REV3L: variants seen among roughly 807,000 people sequenced by gnomAD.
REV3L encodes DNA polymerase zeta catalytic subunit.
A neutral mutation model predicts 299.4 loss-of-function variants in REV3L; 69 were observed. That is an observed-to-expected ratio of 0.23 (90% CI 0.19 to 0.28). The LOEUF is 0.28. Ranked by LOEUF, REV3L falls within the 10% of genes least tolerant of loss-of-function variation. The probability of loss-of-function intolerance (pLI) is 1.00; values close to 1 mark genes in which losing one functional copy is unlikely to be tolerated. For missense variants in REV3L, 3,128 were observed against 3,693.8 expected, an observed-to-expected ratio of 0.85 and a Z score of 3.97; for synonymous variants, 1,238 against 1,271.4, an observed-to-expected ratio of 0.97 and a Z score of 0.56.
rs2114660039 is a variant in REV3L, at chr6:111,299,092, A to G, written c.*924T>C. On this transcript the variant is annotated 3_prime_UTR_variant, in exon 32 of 32. Transcript: ENST00000368802. ...TTCCATTATTAACTTTTAAAACAAA[A>G]TGATTTCCAGTTTAAAAAACAATGC... 6.6e-6 allele frequency: 1 copy of G among 152,600 alleles called. No individual in the cohort carries two copies. The highest frequency in any genetic ancestry group is 2.1e-4 in the South Asian group (1 of 4,818). The allele number at this position is 152,600 out of a possible 1,614,324, so 9.5% of individuals were successfully genotyped here.
intron 3 of REV3L, among the ~76,000 whole-genome samples, chr6:111,407,096 C>A (rs903212366): frequency 6.6e-6 from 1 of 152,048 alleles, no homozygotes; most frequent in African/African-American, 2.4e-5. Context: ...GGCAACAGAG[C>A]AAGATCCTGT....
intron 18 of REV3L, among the ~76,000 whole-genome samples, chr6:111,355,526 T>C (rs886498506): frequency 1.3e-5 from 2 of 152,190 alleles, no homozygotes; most frequent in East Asian, 3.8e-4. Flanking sequence ...TTAAGCATTT[T>C]TCTTTTTATG....
chr6:111,439,100 A>G (rs1787936182), intron 1 of REV3L, among the ~76,000 whole-genome samples: 1 of 152,224 alleles, frequency 6.6e-6, no homozygotes, highest in African/African-American at 2.4e-5. Context: ...TGATTGTAAT[A>G]CATTCTTAAA....
At chr6:111,413,889 G>A (rs1784503957) in intron 2 of REV3L, among the ~76,000 whole-genome samples, 1 of 151,818 alleles carries the variant, frequency 6.6e-6, no homozygotes, top group African/African-American at 2.4e-5. Flanking sequence ...TTGAAATGAG[G>A]ATATATATAG....
rs1779989236 is a variant in REV3L, at chr6:111,373,365, T to C, written c.4990A>G (p.Ser1664Gly). ...QTGFCSFYSG[S>G]QFVPADQNLP... Reference sequence around the variant, plus strand: ...TTCTGATCAGCTGGGACAAACTGACTTCCAGAATAAAAGCTACAAAATCCA... The same window carrying C: ...TTCTGATCAGCTGGGACAAACTGACCTCCAGAATAAAAGCTACAAAATCCA... Residue 1664 changes from serine (S) to glycine (G), a missense_variant, in exon 13 of 32, where the codon AGT becomes GGT. Around this residue, in one of 9 missense-constraint regions of REV3L, gnomAD observed 2,409 missense variants for 2,611.8 expected, o/e 0.92. Coordinates refer to ENST00000368802, the MANE Select transcript of REV3L (RefSeq NM_001372078.1). 1 of 1,613,508 alleles carries C rather than the reference T, an allele frequency of 6.2e-7. No individual in the cohort carries two copies. The highest frequency in any genetic ancestry group is 1.7e-5 in the Admixed American group (1 of 59,944).
chr6:111,427,795 A>G (rs1786362949), intron 1 of REV3L, among the ~76,000 whole-genome samples: 1 of 152,216 alleles, frequency 6.6e-6, no homozygotes, highest in South Asian at 2.1e-4. Flanking sequence ...TAAGGGAGAA[A>G]TAATCCCTGA....
At chr6:111,310,473 G>A (rs1052411409) in intron 29 of REV3L, 39 of 159,042 alleles carry the variant, frequency 2.5e-4, no homozygotes, top group East Asian at 1.9e-3. Context: ...GCAACATAGC[G>A]AGACCCCCAT....
chr6:111,466,967 T>C (rs780348156), intron 1 of REV3L, among the ~76,000 whole-genome samples: 9 of 152,226 alleles, frequency 5.9e-5, no homozygotes, highest in Non-Finnish European at 1.0e-4. Context: ...CAGTGAAACA[T>C]GTATAAAGAT....
At chr6:111,451,015 CATA>C (rs1222878375) in intron 1 of REV3L, among the ~76,000 whole-genome samples, 1 of 152,166 alleles carries the variant, frequency 6.6e-6, no homozygotes, top group Non-Finnish European at 1.5e-5. Flanking sequence ...GAGACAGAAT[CATA>C]ATGAGTTTCC....
intron 2 of REV3L, among the ~76,000 whole-genome samples, chr6:111,413,965 A>G (rs1162892750): frequency 2.0e-5 from 3 of 152,152 alleles, no homozygotes; most frequent in East Asian, 3.8e-4. Context: ...TATCCCTAAC[A>G]TAATTGCTCC....
chr6:111,465,067 A>G (rs1791278191), intron 1 of REV3L, among the ~76,000 whole-genome samples: 1 of 150,608 alleles, frequency 6.6e-6, no homozygotes, highest in African/African-American at 2.4e-5. Flanking sequence ...AAAGGGTAAA[A>G]TAAAGTTATT....
chr6:111,299,038 T>G lies in REV3L; in HGVS notation c.*978A>C, dbSNP rs934385189. The G allele has an allele frequency of 5.9e-5, 9 of 152,408 alleles. No individual in the cohort carries two copies. The highest frequency in any genetic ancestry group is 1.2e-4 in the Non-Finnish European group (8 of 67,958). The allele number at this position is 152,408 out of a possible 1,614,324, so 9.4% of individuals were successfully genotyped here. ...AAGATGAAGTCACACTGCTATATTA[T>G]TTTATATTTTATTCAATTTTAATAT... On this transcript the variant is annotated 3_prime_UTR_variant, in exon 32 of 32. Coordinates refer to ENST00000368802, the MANE Select transcript of REV3L (RefSeq NM_001372078.1).
At chr6:111,400,098 T>C (rs1327890465) in intron 4 of REV3L, among the ~76,000 whole-genome samples, 1 of 152,220 alleles carries the variant, frequency 6.6e-6, no homozygotes, top group African/African-American at 2.4e-5. Flanking sequence ...CAATTGTTTG[T>C]TCCTTTTTAT....
At chr6:111,301,394 C>T (rs778302020) in intron 31 of REV3L, among the ~76,000 whole-genome samples, 1 of 152,042 alleles carries the variant, frequency 6.6e-6, no homozygotes, top group South Asian at 2.1e-4. Context: ...TATTCGTACA[C>T]CCCTCCCCTT....
chr6:111,482,698 C>G (rs960035207), intron 1 of REV3L, 52 bp downstream of exon 1: 1 of 1,134,806 alleles, frequency 8.8e-7, no homozygotes. Flanking sequence ...GGGAGGGCGG[C>G]CCCGGCGCCC....
intron 3 of REV3L, among the ~76,000 whole-genome samples, chr6:111,406,609 G>T (rs144425737): frequency 6.6e-6 from 1 of 152,320 alleles, no homozygotes; most frequent in East Asian, 1.9e-4. Context: ...CTAACTAGAT[G>T]TGAAGGGTGA....
At chr6:111,405,350 C>A in intron 4 of REV3L, 120 bp downstream of exon 4, 1 of 635,196 alleles carries the variant, frequency 1.6e-6, no homozygotes, top group Non-Finnish European at 2.4e-6. Context: ...TCTTTTCATT[C>A]TTTAGTCACT....
At chr6:111,403,457 C>T (rs1044411323) in intron 4 of REV3L, among the ~76,000 whole-genome samples, 1 of 152,170 alleles carries the variant, frequency 6.6e-6, no homozygotes, top group African/African-American at 2.4e-5. Flanking sequence ...TTTACAAGAG[C>T]ATGTGTTCAT....
chr6:111,376,022 T>G lies in REV3L; in HGVS notation c.2333A>C (p.Glu778Ala). ...GLNKLKIRYEEFQEHKTEKPS... is the reference protein window; with the variant it reads ...GLNKLKIRYEAFQEHKTEKPS... ...CTTTTCTGTTTTATGTTCTTGAAAT[T>G]CTTCATACCTAATTTTAAGTTTATT... Residue 778 changes from glutamate (E) to alanine (A), a missense_variant, in exon 13 of 32, where the codon GAA becomes GCA. This residue lies in a region of REV3L where 2,409 missense variants were observed against 2,611.8 expected (regional missense o/e 0.92). Transcript: ENST00000368802. 6.2e-7 allele frequency: 1 copy of G among 1,613,968 alleles called. No homozygotes were observed. Among genetic ancestry groups the G allele is most frequent in the Non-Finnish European group, 8.5e-7 (1 of 1,179,924 alleles).
Sources: allele counts gnomAD v4.1 joint callset (sites outside exome capture counted in the v4.1 genomes callset), GRCh38; gene constraint gnomAD v4.1.1; regional missense constraint gnomAD v4.1.1; transcripts MANE v1.5; gene names NCBI Gene and HGNC (gene_info 2026-07-23, HGNC 2026-07-21).